Variants in C11orf58 observed in about 807,000 individuals in gnomAD.
The protein encoded by C11orf58 is chromosome 11 open reading frame 58.
A neutral mutation model predicts 22.7 loss-of-function variants in C11orf58; 5 were observed. The observed-to-expected ratio is 0.22, with a 90% CI of 0.12 to 0.46. The LOEUF (loss-of-function observed/expected upper bound fraction) is 0.46, where lower values mean the gene tolerates loss of function less well. C11orf58 is among the 20% of genes least tolerant of loss of function. The probability of loss-of-function intolerance (pLI) is 0.99; values close to 1 mark genes in which losing one functional copy is unlikely to be tolerated. For synonymous variants in C11orf58, 71 were observed against 70.7 expected (o/e 1.00, Z -0.02); for missense variants, 151 against 223.3 (o/e 0.68, Z 2.06).
chr11:16,749,615 A>G (rs1048080807), intron 3 of C11orf58: 3 of 152,136 alleles, frequency 2.0e-5, no homozygotes, highest in African/African-American at 7.2e-5. Flanking sequence ...TCCGCATCCT[A>G]TCAGATCATT....
chr11:16,747,745 C>A, intron 2 of C11orf58: 1 of 165,508 alleles, frequency 6.0e-6, no homozygotes, highest in Non-Finnish European at 1.3e-5. Flanking sequence ...GAAGTTAAAG[C>A]AACTCATTTA....
At chr11:16,746,411 A>AT (rs1377091896) in intron 2 of C11orf58, among the ~76,000 whole-genome samples, 3 of 152,258 alleles carry the variant, frequency 2.0e-5, no homozygotes, top group Admixed American at 6.5e-5. Context: ...CAAACTGACA[A>AT]TAAAGTTGTT....
chr11:16,751,902 T>A (rs1446065277), intron 3 of C11orf58: 1 of 152,148 alleles, frequency 6.6e-6, no homozygotes, highest in Non-Finnish European at 1.5e-5. Flanking sequence ...TAAAAGTATG[T>A]TTGAGACAAC....
intron 1 of C11orf58, 79 bp from the exon 2 acceptor site, chr11:16,744,522 G>C (rs1194994446): frequency 8.7e-7 from 1 of 1,146,120 alleles, no homozygotes; most frequent in Non-Finnish European, 1.3e-6. Flanking sequence ...AAAAAAACTT[G>C]AGAGTTACAG....
At chr11:16,752,977 C>T in intron 4 of C11orf58, 83 bp downstream of exon 4, 1 of 1,013,210 alleles carries the variant, frequency 9.9e-7, no homozygotes, top group Non-Finnish European at 1.5e-6. Context: ...CCCTAGCAAT[C>T]AAGAATCCCA....
At chr11:16,740,049 G>A (rs962776684) in intron 1 of C11orf58, among the ~76,000 whole-genome samples, 1 of 152,218 alleles carries the variant, frequency 6.6e-6, no homozygotes, top group African/African-American at 2.4e-5. Context: ...GGCACCTAGA[G>A]AAGTTTATTC....
intron 2 of C11orf58, chr11:16,747,869 C>T: frequency 1.2e-5 from 4 of 330,666 alleles, no homozygotes. Flanking sequence ...TTGTTTTAAT[C>T]ACACTTAGTA....
intron 2 of C11orf58, 63 bp downstream of exon 2, chr11:16,744,747 C>A: frequency 7.0e-7 from 1 of 1,438,104 alleles, no homozygotes; most frequent in Non-Finnish European, 9.7e-7. Flanking sequence ...TTTATGTATG[C>A]TAAGTAAGAA....
chr11:16,756,700 G>C lies in C11orf58; in HGVS notation c.*1596G>C, dbSNP rs1031416314. 6.6e-6 allele frequency: 1 copy of C among 151,898 alleles called. No individual in the cohort carries two copies. Among genetic ancestry groups the C allele is most frequent in the African/African-American group, 2.4e-5 (1 of 41,368 alleles). 9.4% of individuals were successfully genotyped at this position (151,898 alleles called of 1,614,324 possible). A position where few individuals can be genotyped will look rare whatever the true frequency, so the allele number is the denominator to read the frequency against. Reference sequence around the variant, plus strand: ...GAGGTGGCTGGATCACCTGAAGTCAGGAGTTTGAGACCAGCCTGACCAACA... The same window carrying C: ...GAGGTGGCTGGATCACCTGAAGTCACGAGTTTGAGACCAGCCTGACCAACA... On this transcript the variant is annotated 3_prime_UTR_variant, in exon 5 of 5. Transcript: ENST00000228136.
chr11:16,748,307 AATCCCGGTT>A, intron 3 of C11orf58, 150 bp downstream of exon 3: 1 of 587,674 alleles, frequency 1.7e-6, no homozygotes, highest in South Asian at 2.0e-5. Context: ...TAATGCCTGT[AATCCCGGTT>A]ATTTGGGAGG....
chr11:16,740,460 ACGAT>A (rs201940795), intron 1 of C11orf58, among the ~76,000 whole-genome samples: 1,699 of 152,066 alleles, frequency 0.011, 24 homozygotes, highest in African/African-American at 0.039. Flanking sequence ...GTGCAGTGGC[ACGAT>A]CGATCAGTGC....
At chr11:16,742,464 T>TTA (rs1048704897) in intron 1 of C11orf58, among the ~76,000 whole-genome samples, 1 of 152,206 alleles carries the variant, frequency 6.6e-6, no homozygotes, top group Non-Finnish European at 1.5e-5. Context: ...CACCATTACT[T>TTA]TAACTATATT....
intron 3 of C11orf58, chr11:16,749,954 T>C (rs1468865954): frequency 6.6e-6 from 1 of 152,238 alleles, no homozygotes; most frequent in Non-Finnish European, 1.5e-5. Context: ...CTTCCATCCA[T>C]GTCTCTTTCC....
chr11:16,744,312 C>G lies in C11orf58; in HGVS notation c.64-289C>G, dbSNP rs190179846. On this transcript the variant is annotated intron_variant, in intron 1 of 4. Coordinates refer to ENST00000228136, the MANE Select transcript of C11orf58 (RefSeq NM_014267.6). Reference sequence around the variant, plus strand: ...CCCCAGACCCGCTGAATCTCTGGGGCTGTAGCCCTGCAGTCTGTTTTAACA... The same window carrying G: ...CCCCAGACCCGCTGAATCTCTGGGGGTGTAGCCCTGCAGTCTGTTTTAACA... The G allele has an allele frequency of 1.7e-4, 55 of 314,570 alleles. No individual in the cohort carries two copies. In the East Asian group the frequency reaches 3.4e-3, roughly 19 times the overall value. The allele number at this position is 314,570 out of a possible 1,614,324, so 19.5% of individuals were successfully genotyped here. A position where few individuals can be genotyped will look rare whatever the true frequency, so the allele number is the denominator to read the frequency against.
At chr11:16,752,490 TAG>T (rs1469081383) in intron 3 of C11orf58, 17 of 191,282 alleles carry the variant, frequency 8.9e-5, no homozygotes, top group African/African-American at 2.8e-4. Context: ...TTCTGTTTGT[TAG>T]AGAGTTTTTA....
At chr11:16,746,742 C>A (rs1208961936) in intron 2 of C11orf58, 2 of 152,090 alleles carry the variant, frequency 1.3e-5, no homozygotes, top group Non-Finnish European at 2.9e-5. Flanking sequence ...CAACCTCTGC[C>A]TCCCGGGTTC....
intron 3 of C11orf58, chr11:16,749,809 A>C (rs955355022): frequency 3.9e-5 from 6 of 152,224 alleles, no homozygotes; most frequent in Non-Finnish European, 7.3e-5. Context: ...CAGAGACCGT[A>C]ATCAATCAAC....
At chr11:16,752,258 A>C (rs1026402520) in intron 3 of C11orf58, 1 of 152,994 alleles carries the variant, frequency 6.5e-6, no homozygotes, top group Non-Finnish European at 1.5e-5. Flanking sequence ...GAATCATCTC[A>C]AAACCACCAC....
At chr11:16,748,368 C>T (rs532783847) in intron 3 of C11orf58, 5 of 421,476 alleles carry the variant, frequency 1.2e-5, no homozygotes, top group African/African-American at 8.2e-5. Flanking sequence ...TTTGAGGCTG[C>T]AATGAAGCTA....
Sources: gnomAD v4.1 joint callset for allele counts (sites outside exome capture counted in the v4.1 genomes callset) on GRCh38, gnomAD v4.1.1 for gene constraint, MANE v1.5 for transcripts, NCBI Gene and HGNC (gene_info 2026-07-23, HGNC 2026-07-21) for gene names.